The following ANGPTL2 variants were observed in gnomAD, a reference collection of about 807,000 sequenced individuals.
The protein encoded by ANGPTL2 is angiopoietin-related protein 2.
A neutral mutation model predicts 52.8 loss-of-function variants in ANGPTL2; 25 were observed. The observed-to-expected ratio is 0.47, with a 90% CI of 0.35 to 0.66. ANGPTL2 has a LOEUF of 0.66. ANGPTL2 is among the 30% of genes least tolerant of loss of function. The pLI, the probability that ANGPTL2 is intolerant of heterozygous loss-of-function variation, is 0.01. For missense variants in ANGPTL2, 546 were observed against 656.9 expected, an observed-to-expected ratio of 0.83 and a Z score of 1.84; for synonymous variants, 276 against 277.4, an observed-to-expected ratio of 1.00 and a Z score of 0.05.
chr9:127,087,990 C>T lies in ANGPTL2; in HGVS notation c.*949G>A, dbSNP rs1422668101. ...CGGTGGAGCTTTTGGCCTGGCCTTC[C>T]CTTCCCAACCAGAAACCTGGAGCCC... On this transcript the variant is annotated 3_prime_UTR_variant, in exon 5 of 5. Transcript: ENST00000373425. 1 of 152,626 alleles carries T rather than the reference C, an allele frequency of 6.6e-6. No homozygotes were observed. Among genetic ancestry groups the T allele is most frequent in the Non-Finnish European group, 1.5e-5 (1 of 68,042 alleles). 9.5% of individuals were successfully genotyped at this position (152,626 alleles called of 1,614,324 possible).
At chr9:127,094,924 G>A (rs1167575306) in intron 2 of ANGPTL2, among the ~76,000 whole-genome samples, 1 of 152,200 alleles carries the variant, frequency 6.6e-6, no homozygotes, top group Non-Finnish European at 1.5e-5. Flanking sequence ...TCCCCAGGCA[G>A]TTTCTTATGT....
At chr9:127,093,677 C>G in intron 3 of ANGPTL2, 56 bp downstream of exon 3, 1 of 1,598,322 alleles carries the variant, frequency 6.3e-7, no homozygotes, top group Non-Finnish European at 8.5e-7. Flanking sequence ...TCAGGCCTCT[C>G]TTGGGGTGGG....
intron 4 of ANGPTL2, among the ~76,000 whole-genome samples, chr9:127,089,618 T>A (rs1274991189): frequency 6.6e-6 from 1 of 152,140 alleles, no homozygotes; most frequent in African/African-American, 2.4e-5. Context: ...CTTTAAAGAA[T>A]GACAAAGAAA....
In ANGPTL2 at chr9:127,108,308, G is replaced by C. The variant is rs747423032; in HGVS notation, c.424C>G (p.Leu142Val). The stretch of plus-strand genomic sequence containing the variant: ...TCCCGCTTGCGGATGATCTCGTGCA[G>C]GAGCTGCATGTAGAGCTGCGTGACC... ...SRVTQLYMQL[L>V]HEIIRKRDNA... is the part of the protein sequence containing the mutation. The change falls in exon 2 of 5, where the codon CTG (leucine) becomes GTG (valine). Residue 142 changes from leucine (L) to valine (V), a missense_variant. This residue lies in a region of ANGPTL2 where 285 missense variants were observed against 295.8 expected (regional missense o/e 0.96). Transcript: ENST00000373425. 3.7e-6 allele frequency: 6 copies of C among 1,613,896 alleles called. No individual in the cohort carries two copies. Among genetic ancestry groups the C allele is most frequent in the Non-Finnish European group, 5.1e-6 (6 of 1,179,928 alleles).
rs893617381 is a variant in ANGPTL2 at position 127,099,981 on chromosome 9, A to C, written c.818-6055T>G. On this transcript the variant is annotated intron_variant, in intron 2 of 4. Coordinates refer to ENST00000373425, the MANE Select transcript of ANGPTL2 (RefSeq NM_012098.3). The stretch of plus-strand genomic sequence containing the variant: ...GACTTACTGGCTCTAAAATATGAAA[A>C]GAAAACTGCAAAATCAAAATTTATT... 7.9e-5 allele frequency among the ~76,000 whole-genome samples: 12 copies of C among 152,380 alleles called. No individual in the cohort carries two copies. In the East Asian group the frequency reaches 1.2e-3, roughly 15 times the overall value.
At chr9:127,106,057 G>A (rs1445602295) in intron 2 of ANGPTL2, among the ~76,000 whole-genome samples, 2 of 152,200 alleles carry the variant, frequency 1.3e-5, no homozygotes, top group Non-Finnish European at 1.5e-5. Flanking sequence ...AAGGGGTAGA[G>A]CATGGATGCA....
intron 1 of ANGPTL2, among the ~76,000 whole-genome samples, chr9:127,121,807 C>G (rs2056118509): frequency 1.3e-5 from 2 of 152,200 alleles, no homozygotes; most frequent in South Asian, 4.1e-4. Flanking sequence ...CAGAGGCAGC[C>G]CAGCTCCTGT....
intron 1 of ANGPTL2, among the ~76,000 whole-genome samples, chr9:127,117,276 G>GT (rs927816701): frequency 1.5e-4 from 23 of 152,166 alleles, no homozygotes; most frequent in African/African-American, 5.1e-4. Flanking sequence ...TCAGATTGCA[G>GT]TCATCTGGTT....
intron 2 of ANGPTL2, among the ~76,000 whole-genome samples, chr9:127,103,204 G>A (rs1048064029): frequency 1.3e-5 from 2 of 152,218 alleles, no homozygotes; most frequent in African/African-American, 4.8e-5. Context: ...AACCACAATC[G>A]TGTACGTATT....
At chr9:127,097,279 A>G (rs2053236520) in intron 2 of ANGPTL2, among the ~76,000 whole-genome samples, 1 of 152,246 alleles carries the variant, frequency 6.6e-6, no homozygotes, top group South Asian at 2.1e-4. Flanking sequence ...TTTTTTAAAA[A>G]AGGCAAACGG....
intron 2 of ANGPTL2, among the ~76,000 whole-genome samples, chr9:127,095,594 G>A (rs1367197124): frequency 6.6e-6 from 1 of 152,322 alleles, no homozygotes; most frequent in East Asian, 1.9e-4. Flanking sequence ...CGCCCTGCAA[G>A]GGAGGAGCTG....
intron 2 of ANGPTL2, among the ~76,000 whole-genome samples, chr9:127,103,849 G>A (rs984812660): frequency 5.3e-5 from 8 of 152,146 alleles, no homozygotes; most frequent in South Asian, 2.1e-4. Context: ...AGACATTCAC[G>A]GGGTGATTTT....
intron 2 of ANGPTL2, among the ~76,000 whole-genome samples, chr9:127,097,534 C>A (rs117073259): frequency 6.6e-6 from 1 of 152,306 alleles, no homozygotes; most frequent in East Asian, 1.9e-4. Flanking sequence ...ATTAAAGGCA[C>A]CAGTGGCAAA....
At chr9:127,099,523 G>C (rs2053510258) in intron 2 of ANGPTL2, among the ~76,000 whole-genome samples, 1 of 152,178 alleles carries the variant, frequency 6.6e-6, no homozygotes, top group African/African-American at 2.4e-5. Context: ...GTCCCACCCA[G>C]GCCAGCATCA....
intron 1 of ANGPTL2, among the ~76,000 whole-genome samples, chr9:127,113,605 G>A (rs2137331995): frequency 7.4e-6 from 1 of 134,500 alleles, no homozygotes; most frequent in South Asian, 2.5e-4. Context: ...ACAAAGAAAA[G>A]CAAATCCAAC....
intron 1 of ANGPTL2, among the ~76,000 whole-genome samples, chr9:127,116,550 A>C (rs897858512): frequency 6.6e-6 from 1 of 152,206 alleles, no homozygotes; most frequent in South Asian, 2.1e-4. Flanking sequence ...CATTTCCGGC[A>C]GTGCCTAGTG....
chr9:127,121,762 T>A (rs2056113540), intron 1 of ANGPTL2, among the ~76,000 whole-genome samples: 1 of 152,212 alleles, frequency 6.6e-6, no homozygotes, highest in Non-Finnish European at 1.5e-5. Context: ...CCGTGCTGGG[T>A]GCCTCTGCTC....
chr9:127,106,824 C>T (rs1270621946), intron 2 of ANGPTL2: 1 of 152,252 alleles, frequency 6.6e-6, no homozygotes, highest in African/African-American at 2.4e-5. Flanking sequence ...ATTCCCAGTA[C>T]TGGTGGTTAT....
At chr9:127,092,702 G>A (rs2052628494) in intron 3 of ANGPTL2, among the ~76,000 whole-genome samples, 1 of 152,128 alleles carries the variant, frequency 6.6e-6, no homozygotes, top group South Asian at 2.1e-4. Flanking sequence ...GAATGCCTGA[G>A]GGTGAACCAG....
Sources: allele counts gnomAD v4.1 joint callset (sites outside exome capture counted in the v4.1 genomes callset), GRCh38; gene constraint gnomAD v4.1.1; regional missense constraint gnomAD v4.1.1; transcripts MANE v1.5; gene names NCBI Gene and HGNC (gene_info 2026-07-23, HGNC 2026-07-21).